The following KCNIP4 variants were observed in gnomAD, a reference collection of about 807,000 sequenced individuals.
KCNIP4 encodes potassium voltage-gated channel interacting protein 4.
KCNIP4 carries 12 observed loss-of-function variants against 34.0 expected under a neutral mutation model. The observed-to-expected ratio is 0.35, with a 90% CI of 0.23 to 0.57. KCNIP4 has a LOEUF of 0.57. Ranked by LOEUF, KCNIP4 falls within the 20% of genes least tolerant of loss-of-function variation. The pLI is 0.83. For missense variants in KCNIP4, 238 were observed against 311.7 expected (o/e 0.76, Z 1.78); for synonymous variants, 124 against 102.2 (o/e 1.21, Z -1.29).
rs1728889749 is a variant in KCNIP4 at position 21,455,810 on chromosome 4, TATATATATATATATATATATA to T, written c.61+492740_61+492760del. Among the ~76,000 whole-genome samples the T allele has an allele frequency of 9.4e-4, 64 of 68,000 alleles. 8 individuals are homozygous for T. Among genetic ancestry groups the T allele is most frequent in the African/African-American group, 3.1e-3 (38 of 12,096 alleles). 44.6% of individuals were successfully genotyped at this position (68,000 alleles called of 152,430 possible). A position where few individuals can be genotyped will look rare whatever the true frequency, so the allele number is the denominator to read the frequency against. On this transcript the variant is annotated intron_variant, in intron 1 of 8. Coordinates refer to ENST00000382152, the MANE Select transcript of KCNIP4 (RefSeq NM_025221.6). The stretch of plus-strand genomic sequence containing the variant: ...AATGTGATAGTCTTACAGATATTCA[TATATATATATATATATATATA>T]TATATATATATATATATATATATAT...
chr4:20,962,663 T>C (rs2149662398), intron 1 of KCNIP4, among the ~76,000 whole-genome samples: 1 of 152,332 alleles, frequency 6.6e-6, no homozygotes, highest in Middle Eastern at 3.4e-3. Flanking sequence ...TTTACTTATT[T>C]TATCATTTTG....
intron 3 of KCNIP4, among the ~76,000 whole-genome samples, chr4:20,833,199 A>T (rs999248900): frequency 2.6e-5 from 4 of 152,248 alleles, no homozygotes; most frequent in Non-Finnish European, 5.9e-5. Flanking sequence ...CACATTAGAC[A>T]TCAAACTTTG....
At chr4:20,815,844 A>G (rs950755649) in intron 3 of KCNIP4, among the ~76,000 whole-genome samples, 6 of 152,218 alleles carry the variant, frequency 3.9e-5, no homozygotes, top group African/African-American at 1.4e-4. Context: ...GTAGTGAGAC[A>G]TGTGAGACTT....
intron 1 of KCNIP4, among the ~76,000 whole-genome samples, chr4:21,118,472 G>A (rs1028742908): frequency 3.9e-5 from 6 of 152,134 alleles, no homozygotes; most frequent in African/African-American, 1.4e-4. Context: ...TCCAATCAGG[G>A]CACTCCTGAA....
chr4:21,299,724 C>T (rs570588832), intron 1 of KCNIP4, among the ~76,000 whole-genome samples: 10 of 152,204 alleles, frequency 6.6e-5, no homozygotes, highest in Non-Finnish European at 1.3e-4. Flanking sequence ...CCTTATTAAG[C>T]AACATGGTCT....
intron 1 of KCNIP4, among the ~76,000 whole-genome samples, chr4:21,210,666 A>C (rs1481442573): frequency 6.6e-6 from 1 of 151,386 alleles, no homozygotes; most frequent in African/African-American, 2.4e-5. Flanking sequence ...TTACTATAAA[A>C]ATTTATTTTA....
At chr4:21,905,609 A>G (rs1449894392) in intron 1 of KCNIP4, among the ~76,000 whole-genome samples, 1 of 150,588 alleles carries the variant, frequency 6.6e-6, no homozygotes, top group Non-Finnish European at 1.5e-5. Flanking sequence ...TCGCAAGGAC[A>G]AAAAACCAAA....
chr4:21,379,551 A>G (rs1721286694), intron 1 of KCNIP4, among the ~76,000 whole-genome samples: 1 of 152,228 alleles, frequency 6.6e-6, no homozygotes, highest in Admixed American at 6.5e-5. Flanking sequence ...GAATGCCTGT[A>G]AATGAAATTC....
chr4:21,220,890 G>A (rs1046590161), intron 1 of KCNIP4, among the ~76,000 whole-genome samples: 1 of 152,090 alleles, frequency 6.6e-6, no homozygotes, highest in African/African-American at 2.4e-5. Context: ...TTAAAAAAAA[G>A]TCCTAATGGA....
At chr4:21,203,786 T>C (rs980834267) in intron 1 of KCNIP4, among the ~76,000 whole-genome samples, 1 of 152,224 alleles carries the variant, frequency 6.6e-6, no homozygotes, top group African/African-American at 2.4e-5. Flanking sequence ...TTTCATAAAC[T>C]TGAATGATAC....
At chr4:20,837,682 A>ATT (rs575948773) in intron 3 of KCNIP4, among the ~76,000 whole-genome samples, 209 of 109,688 alleles carry the variant, frequency 1.9e-3, no homozygotes, top group African/African-American at 3.8e-3. Flanking sequence ...ATATATATAT[A>ATT]TATATTTTTT....
At chr4:21,000,754 A>AT (rs1225434931) in intron 1 of KCNIP4, among the ~76,000 whole-genome samples, 1 of 151,924 alleles carries the variant, frequency 6.6e-6, no homozygotes, top group Non-Finnish European at 1.5e-5. Context: ...TAACTCTTTG[A>AT]TTTTTTGTCT....
intron 1 of KCNIP4, among the ~76,000 whole-genome samples, chr4:21,617,508 T>C (rs1744688576): frequency 6.6e-6 from 1 of 152,174 alleles, no homozygotes; most frequent in African/African-American, 2.4e-5. Context: ...CATGCTACCA[T>C]GATTCCTTTG....
intron 3 of KCNIP4, among the ~76,000 whole-genome samples, chr4:20,781,633 C>G (rs1339999845): frequency 2.0e-5 from 3 of 152,164 alleles, no homozygotes; most frequent in African/African-American, 7.2e-5. Flanking sequence ...TTCGCTACCA[C>G]AAGAACAGTA....
intron 1 of KCNIP4, among the ~76,000 whole-genome samples, chr4:20,920,351 A>G (rs554443736): frequency 7.2e-5 from 11 of 152,340 alleles, no homozygotes; most frequent in South Asian, 6.2e-4. Context: ...AGATTTTGAA[A>G]TGATTAAAAT....
At chr4:21,247,735 G>GAGATATATATATATATAT (rs796243156) in intron 1 of KCNIP4, among the ~76,000 whole-genome samples, 2 of 61,364 alleles carry the variant, frequency 3.3e-5, no homozygotes, top group African/African-American at 2.1e-4. Context: ...TCCACAGGTG[G>GAGATATATATATATATAT]ATATATATAT....
At chr4:21,430,794 G>A (rs967231404) in intron 1 of KCNIP4, among the ~76,000 whole-genome samples, 5 of 139,196 alleles carry the variant, frequency 3.6e-5, no homozygotes, top group East Asian at 1.9e-4. Flanking sequence ...CCTAGGAGTC[G>A]AAATCCAAAT....
intron 1 of KCNIP4, among the ~76,000 whole-genome samples, chr4:21,916,588 T>C (rs1295326266): frequency 6.6e-6 from 1 of 152,180 alleles, no homozygotes; most frequent in East Asian, 1.9e-4. Context: ...TCCTATTCTA[T>C]CTATAAAAAG....
chr4:21,548,134 A>T (rs1738285485), intron 1 of KCNIP4, among the ~76,000 whole-genome samples: 1 of 152,164 alleles, frequency 6.6e-6, no homozygotes. Flanking sequence ...GTAACCAAGG[A>T]GCACAGCAGT....
Sources: gnomAD v4.1 joint callset for allele counts (sites outside exome capture counted in the v4.1 genomes callset) on GRCh38, gnomAD v4.1.1 for gene constraint, MANE v1.5 for transcripts, NCBI Gene and HGNC (gene_info 2026-07-23, HGNC 2026-07-21) for gene names.